The following EPB41L5 variants were observed in gnomAD, a reference collection of about 807,000 sequenced individuals.
EPB41L5 encodes band 4.1-like protein 5.
In EPB41L5, 55 loss-of-function variants were observed where a neutral mutation model predicts 106.6. That is an observed-to-expected ratio of 0.52 (90% confidence interval 0.42 to 0.65). EPB41L5 has a LOEUF of 0.65. EPB41L5 is among the 30% of genes least tolerant of loss of function. The pLI is 0.00. For synonymous variants in EPB41L5, 297 were observed against 306.7 expected (o/e 0.97, Z 0.33); for missense variants, 871 against 882.1 (o/e 0.99, Z 0.16).
At chr2:120,088,554 A>G (rs1683216433) in intron 11 of EPB41L5, among the ~76,000 whole-genome samples, 1 of 152,166 alleles carries the variant, frequency 6.6e-6, no homozygotes, top group Non-Finnish European at 1.5e-5. Flanking sequence ...GTGTTTACCT[A>G]TGTAACAAAC....
At chr2:120,165,824 C>T (rs1284520206) in intron 22 of EPB41L5, among the ~76,000 whole-genome samples, 7 of 151,796 alleles carry the variant, frequency 4.6e-5, no homozygotes, top group Admixed American at 6.6e-5. Context: ...AAAAATTAGC[C>T]GGGGGTGGTG....
At chr2:120,025,454 A>G (rs1373896847) in intron 2 of EPB41L5, among the ~76,000 whole-genome samples, 1 of 151,854 alleles carries the variant, frequency 6.6e-6, no homozygotes, top group African/African-American at 2.4e-5. Flanking sequence ...TTTGCAGGTG[A>G]GATGGTGCTC....
At chr2:120,165,987 A>C (rs980668850) in intron 22 of EPB41L5, among the ~76,000 whole-genome samples, 1 of 151,608 alleles carries the variant, frequency 6.6e-6, no homozygotes, top group East Asian at 1.9e-4. Context: ...AAAAAAAAAA[A>C]AAAAAAACAG....
In EPB41L5 at chr2:120,074,239, A is replaced by T. The variant is rs562323455; in HGVS notation, c.407+61A>T. On this transcript the variant is annotated intron_variant, in intron 5 of 24. Transcript: ENST00000263713. ...TTGATAGTTTTGAAAGACTGTCTTT[A>T]TATTGTTTCCAATTTATAGCCAGCT... 1.7e-4 allele frequency: 217 copies of T among 1,296,324 alleles called. 1 individual carries two copies. The African/African-American group carries it at 3.1e-3, about 18-fold the overall frequency. 80.3% of individuals were successfully genotyped at this position (1,296,324 alleles called of 1,614,324 possible).
intron 2 of EPB41L5, among the ~76,000 whole-genome samples, chr2:120,039,292 G>T (rs1679243172): frequency 6.6e-6 from 1 of 152,062 alleles, no homozygotes; most frequent in Non-Finnish European, 1.5e-5. Context: ...GGCAAGTGGG[G>T]GATGATTTTT....
chr2:120,122,420 T>C (rs1167752053), intron 16 of EPB41L5, among the ~76,000 whole-genome samples: 2 of 152,232 alleles, frequency 1.3e-5, no homozygotes, highest in African/African-American at 2.4e-5. Flanking sequence ...CAGCACCGTT[T>C]ATTAAACAGG....
At chr2:120,116,597 C>T (rs993093733) in intron 16 of EPB41L5, among the ~76,000 whole-genome samples, 1 of 152,198 alleles carries the variant, frequency 6.6e-6, no homozygotes, top group Non-Finnish European at 1.5e-5. Flanking sequence ...TCATGGCTCA[C>T]TGCAGCCTCA....
At chr2:120,109,416 G>A (rs1684619353) in intron 16 of EPB41L5, among the ~76,000 whole-genome samples, 1 of 152,082 alleles carries the variant, frequency 6.6e-6, no homozygotes, top group South Asian at 2.1e-4. Flanking sequence ...TGATGACCTT[G>A]CTTCCTACTT....
At chr2:120,028,897 G>A (rs1383096858) in intron 2 of EPB41L5, among the ~76,000 whole-genome samples, 1 of 152,112 alleles carries the variant, frequency 6.6e-6, no homozygotes, top group Non-Finnish European at 1.5e-5. Context: ...TTGGTGGGAT[G>A]GTGTGTTTGA....
chr2:120,057,883 T>C (rs534042421), intron 3 of EPB41L5, among the ~76,000 whole-genome samples: 2 of 152,256 alleles, frequency 1.3e-5, no homozygotes, highest in South Asian at 4.2e-4. Flanking sequence ...AAGTAATATA[T>C]TTTTAATTTT....
In EPB41L5 at chr2:120,167,487, A is replaced by G. The variant is rs1449362025; in HGVS notation, c.1984A>G (p.Thr662Ala). Residue 662 changes from threonine (T) to alanine (A), a missense_variant, in exon 23 of 25, where the codon ACA (threonine) becomes GCA (alanine). Thr to Ala is a moderately conservative substitution (Grantham distance 58). Transcript: ENST00000263713. ...APQVSSTSMITPRWIVPQSGA... is the reference protein window; with the variant it reads ...APQVSSTSMIAPRWIVPQSGA... ...TCAGGTGTCTTCCACATCCATGATCACACCCCGGTGGATTGTTCCGGTAAG... is the reference window on the plus strand; with the variant it reads ...TCAGGTGTCTTCCACATCCATGATCGCACCCCGGTGGATTGTTCCGGTAAG... The G allele has an allele frequency of 4.3e-6, 7 of 1,613,868 alleles. No homozygotes were observed. Among genetic ancestry groups the G allele is most frequent in the Non-Finnish European group, 5.9e-6 (7 of 1,179,880 alleles).
intron 16 of EPB41L5, among the ~76,000 whole-genome samples, chr2:120,113,780 G>A (rs1684830365): frequency 1.3e-5 from 2 of 152,150 alleles, no homozygotes; most frequent in South Asian, 4.1e-4. Flanking sequence ...GTTCTTTTGT[G>A]TCTGACTTTC....
At chr2:120,037,337 A>C (rs553052207) in intron 2 of EPB41L5, among the ~76,000 whole-genome samples, 1 of 152,300 alleles carries the variant, frequency 6.6e-6, no homozygotes. Flanking sequence ...GTACTACCCA[A>C]AGTGATCCAT....
intron 2 of EPB41L5, among the ~76,000 whole-genome samples, chr2:120,020,505 A>G (rs1206369412): frequency 6.6e-6 from 1 of 152,194 alleles, no homozygotes; most frequent in East Asian, 1.9e-4. Context: ...ATAAGAATGT[A>G]TATTTTTAGG....
chr2:120,074,066 T>A, intron 4 of EPB41L5, 34 bp from the exon 5 acceptor site: 1 of 1,514,596 alleles, frequency 6.6e-7, no homozygotes, highest in Non-Finnish European at 9.0e-7. Context: ...AAGTAGTTTA[T>A]TTTATTAAAA....
chr2:120,175,049 GAC>G lies in EPB41L5; in HGVS notation c.*144_*145del. On this transcript the variant is annotated 3_prime_UTR_variant, in exon 25 of 25. Transcript: ENST00000263713. Reference sequence around the variant, plus strand: ...GATTTGACTTCAACTCCGTAAAAAAGACAGCTGTATTTTCCGTCCAACTGGAA... The same window carrying G: ...GATTTGACTTCAACTCCGTAAAAAAGAGCTGTATTTTCCGTCCAACTGGAA... 2.6e-6 allele frequency: 2 copies of G among 776,546 alleles called. No individual in the cohort carries two copies. The highest frequency in any genetic ancestry group is 2.9e-5 in the South Asian group (2 of 68,062). The allele number at this position is 776,546 out of a possible 1,614,324, so 48.1% of individuals were successfully genotyped here. A position where few individuals can be genotyped will look rare whatever the true frequency, so the allele number is the denominator to read the frequency against.
chr2:120,105,338 T>C (rs1684387884), intron 16 of EPB41L5: 1 of 965,506 alleles, frequency 1.0e-6, no homozygotes, highest in African/African-American at 1.8e-5. Context: ...AGATATTTTA[T>C]ATTTCGAAGA....
At chr2:120,169,598 C>G (rs1185350062) in intron 24 of EPB41L5, among the ~76,000 whole-genome samples, 2 of 152,168 alleles carry the variant, frequency 1.3e-5, no homozygotes, top group Admixed American at 6.5e-5. Flanking sequence ...CCTTCTGTCT[C>G]TCTCTCCCTC....
At chr2:120,127,573 C>G (rs2105462471) in intron 16 of EPB41L5, 115 bp from the exon 17 acceptor site, 1 of 755,294 alleles carries the variant, frequency 1.3e-6, no homozygotes, top group East Asian at 2.7e-5. Context: ...ATTTTTGATT[C>G]ATGGTTGCTT....
Sources: gnomAD v4.1 joint callset for allele counts (sites outside exome capture counted in the v4.1 genomes callset) on GRCh38, gnomAD v4.1.1 for gene constraint, MANE v1.5 for transcripts, NCBI Gene and HGNC (gene_info 2026-07-23, HGNC 2026-07-21) for gene names.